DPP10: variants seen among roughly 807,000 people sequenced by gnomAD.
DPP10 encodes the protein inactive dipeptidyl peptidase 10.
DPP10 carries 33 observed loss-of-function variants against 120.9 expected under a neutral mutation model. The observed-to-expected ratio is 0.27, with a 90% CI of 0.21 to 0.37. The LOEUF is 0.37. Ranked by LOEUF, DPP10 falls within the 10% of genes least tolerant of loss-of-function variation. DPP10 has a pLI of 1.00. For synonymous variants in DPP10, 337 were observed against 326.1 expected (o/e 1.03, Z -0.36); for missense variants, 816 against 942.8 (o/e 0.87, Z 1.76).
At chr2:115,833,625 C>G (rs1689151701) in intron 21 of DPP10, among the ~76,000 whole-genome samples, 1 of 152,168 alleles carries the variant, frequency 6.6e-6, no homozygotes, top group Non-Finnish European at 1.5e-5. Context: ...AAATTCTACA[C>G]CTGACCCTAT....
chr2:115,598,502 T>C (rs1228372227), intron 5 of DPP10, among the ~76,000 whole-genome samples: 3 of 152,008 alleles, frequency 2.0e-5, no homozygotes, highest in Non-Finnish European at 2.9e-5. Flanking sequence ...TCCTTTATAA[T>C]GAACAATATA....
intron 9 of DPP10, among the ~76,000 whole-genome samples, chr2:115,745,142 T>C (rs1677788047): frequency 6.6e-6 from 1 of 150,524 alleles, no homozygotes; most frequent in Non-Finnish European, 1.5e-5. Context: ...TTGAAGGCCA[T>C]TGTGTTGGAA....
At chr2:114,534,217 C>T (rs1021050946) in intron 1 of DPP10, among the ~76,000 whole-genome samples, 1 of 152,148 alleles carries the variant, frequency 6.6e-6, no homozygotes, top group Non-Finnish European at 1.5e-5. Flanking sequence ...CCCTCTGAGA[C>T]TATGAATCAT....
chr2:114,586,901 C>A (rs1215157795), intron 1 of DPP10, among the ~76,000 whole-genome samples: 1 of 152,210 alleles, frequency 6.6e-6, no homozygotes, highest in Non-Finnish European at 1.5e-5. Context: ...TGCCTTCCAC[C>A]ATGAGCAGAA....
At chr2:115,380,488 G>A (rs557952650) in intron 3 of DPP10, among the ~76,000 whole-genome samples, 20 of 152,252 alleles carry the variant, frequency 1.3e-4, no homozygotes, top group Admixed American at 4.6e-4. Context: ...CACACTGATA[G>A]GTCTTGACTC....
intron 1 of DPP10, among the ~76,000 whole-genome samples, chr2:114,463,830 C>G (rs1314128348): frequency 6.6e-6 from 1 of 152,188 alleles, no homozygotes; most frequent in Non-Finnish European, 1.5e-5. Flanking sequence ...CTTCAAATCT[C>G]TGATCAGTTT....
At chr2:115,473,576 G>A (rs1054046725) in intron 3 of DPP10, among the ~76,000 whole-genome samples, 6 of 152,100 alleles carry the variant, frequency 3.9e-5, no homozygotes, top group Admixed American at 3.3e-4. Context: ...AGAATGGGCA[G>A]GAATAAACTT....
intron 1 of DPP10, among the ~76,000 whole-genome samples, chr2:114,726,250 A>C (rs1245880625): frequency 6.6e-6 from 1 of 152,034 alleles, no homozygotes; most frequent in African/African-American, 2.4e-5. Flanking sequence ...AAAAAAAAAA[A>C]AAAGTTCTTC....
chr2:115,757,545 G>A (rs910325179), intron 11 of DPP10, among the ~76,000 whole-genome samples: 4 of 152,016 alleles, frequency 2.6e-5, no homozygotes, highest in African/African-American at 7.2e-5. Flanking sequence ...ATTCGCCCCC[G>A]TAATTCAATC....
At chr2:114,881,411 C>T (rs936628944) in intron 1 of DPP10, among the ~76,000 whole-genome samples, 3 of 151,996 alleles carry the variant, frequency 2.0e-5, no homozygotes, top group African/African-American at 7.2e-5. Flanking sequence ...CCTTATCTAC[C>T]ATTTACCTAT....
chr2:114,999,162 G>A (rs767038636), intron 1 of DPP10, among the ~76,000 whole-genome samples: 3 of 152,168 alleles, frequency 2.0e-5, no homozygotes, highest in Non-Finnish European at 2.9e-5. Flanking sequence ...ATTTAGAATA[G>A]TATTTGGCAC....
At chr2:114,958,572 AT>A (rs777542626) in intron 1 of DPP10, among the ~76,000 whole-genome samples, 5 of 152,202 alleles carry the variant, frequency 3.3e-5, no homozygotes, top group Non-Finnish European at 7.3e-5. Context: ...GGTGATGGAT[AT>A]GTTAATTAGC....
chr2:115,519,426 T>G (rs936187301), intron 4 of DPP10, among the ~76,000 whole-genome samples: 12 of 152,150 alleles, frequency 7.9e-5, no homozygotes, highest in East Asian at 3.9e-4. Context: ...AAAATATATA[T>G]ATAGAGAGAG....
intron 5 of DPP10, among the ~76,000 whole-genome samples, chr2:115,584,423 A>G (rs919641476): frequency 1.3e-5 from 2 of 152,182 alleles, no homozygotes; most frequent in African/African-American, 4.8e-5. Context: ...AGAAACACAG[A>G]GGGAGAAAGG....
intron 3 of DPP10, among the ~76,000 whole-genome samples, chr2:115,484,252 AT>A (rs34563117): frequency 0.031 from 4,647 of 148,814 alleles, 83 homozygotes; most frequent in African/African-American, 0.038. Flanking sequence ...TGGAGAGGCA[AT>A]TTTTTTTTTT....
intron 1 of DPP10, among the ~76,000 whole-genome samples, chr2:114,792,814 G>A (rs1030458694): frequency 1.1e-4 from 16 of 152,092 alleles, no homozygotes; most frequent in African/African-American, 3.9e-4. Flanking sequence ...TGTCATATGC[G>A]ATCCCACTGG....
At chr2:115,618,207 G>C (rs185756336) in intron 5 of DPP10, among the ~76,000 whole-genome samples, 52 of 152,274 alleles carry the variant, frequency 3.4e-4, no homozygotes, top group African/African-American at 1.2e-3. Flanking sequence ...CAAATAATAT[G>C]CTTTCTACTA....
intron 3 of DPP10, among the ~76,000 whole-genome samples, chr2:115,359,056 A>G (rs1442695780): frequency 1.3e-5 from 2 of 152,224 alleles, no homozygotes; most frequent in African/African-American, 4.8e-5. Flanking sequence ...TCTTGAAGAT[A>G]GCAGATGGTT....
At chr2:114,579,998 A>G (rs1032917130) in intron 1 of DPP10, among the ~76,000 whole-genome samples, 2 of 152,200 alleles carry the variant, frequency 1.3e-5, no homozygotes, top group African/African-American at 4.8e-5. Flanking sequence ...GAGAAAGGGC[A>G]ATGACAAAAC....
Sources: gnomAD v4.1 joint callset for allele counts (sites outside exome capture counted in the v4.1 genomes callset) on GRCh38, gnomAD v4.1.1 for gene constraint, MANE v1.5 for transcripts, NCBI Gene and HGNC (gene_info 2026-07-23, HGNC 2026-07-21) for gene names.